NR3C2: variants seen among roughly 807,000 people sequenced by gnomAD.
NR3C2 encodes nuclear receptor subfamily 3 group C member 2.
In NR3C2, 15 loss-of-function variants were observed where a neutral mutation model predicts 86.4. The observed-to-expected ratio is 0.17, with a 90% CI of 0.12 to 0.27. The LOEUF (loss-of-function observed/expected upper bound fraction) is 0.27, where lower values mean the gene tolerates loss of function less well. Ranked by LOEUF, NR3C2 falls within the 10% of genes least tolerant of loss-of-function variation. The pLI is 1.00. For missense variants in NR3C2, 960 were observed against 1,195.6 expected (o/e 0.80, Z 2.91); for synonymous variants, 458 against 450.5 (o/e 1.02, Z -0.21).
chr4:148,233,469 T>A (rs1738569892), intron 3 of NR3C2, among the ~76,000 whole-genome samples: 1 of 150,714 alleles, frequency 6.6e-6, no homozygotes, highest in Non-Finnish European at 1.5e-5. Context: ...TAAATGATCC[T>A]CACACTTCAG....
At chr4:148,083,010 C>T (rs143286765) in intron 8 of NR3C2, among the ~76,000 whole-genome samples, 11 of 152,198 alleles carry the variant, frequency 7.2e-5, no homozygotes, top group African/African-American at 2.6e-4. Context: ...ACCACTGTAG[C>T]CAGACTGCCT....
chr4:148,406,144 C>T (rs28698266), intron 2 of NR3C2, among the ~76,000 whole-genome samples: 1 of 151,754 alleles, frequency 6.6e-6, no homozygotes, highest in East Asian at 1.9e-4. Flanking sequence ...CCAGTCTGGG[C>T]AAGAGAGGGA....
intron 6 of NR3C2, 55 bp downstream of exon 6, chr4:148,152,414 T>A: frequency 6.4e-7 from 1 of 1,565,226 alleles, no homozygotes; most frequent in East Asian, 2.2e-5. Flanking sequence ...CTGAAAGAAA[T>A]CATAACGCAT....
chr4:148,261,490 G>A (rs1177183107), intron 2 of NR3C2, among the ~76,000 whole-genome samples: 2 of 152,190 alleles, frequency 1.3e-5, no homozygotes, highest in African/African-American at 2.4e-5. Context: ...GCAGGGTAAC[G>A]GGGGCAGCAC....
intron 2 of NR3C2, among the ~76,000 whole-genome samples, chr4:148,358,635 TAAAAA>T (rs56746692): frequency 4.0e-5 from 6 of 150,704 alleles, no homozygotes; most frequent in Non-Finnish European, 5.9e-5. Flanking sequence ...AAATAAAAAA[TAAAAA>T]AAAAAATAAA....
intron 2 of NR3C2, among the ~76,000 whole-genome samples, chr4:148,315,845 A>G (rs1294839550): frequency 6.6e-6 from 1 of 152,204 alleles, no homozygotes; most frequent in Non-Finnish European, 1.5e-5. Context: ...GGTAAAATAC[A>G]ATTTCTACAA....
intron 2 of NR3C2, among the ~76,000 whole-genome samples, chr4:148,376,922 C>CT (rs1491389010): frequency 2.0e-5 from 3 of 152,020 alleles, no homozygotes; most frequent in Admixed American, 6.6e-5. Context: ...CAAAGTTATA[C>CT]TTTTTTTGAA....
chr4:148,257,322 T>G (rs1340019808), intron 3 of NR3C2, among the ~76,000 whole-genome samples: 1 of 152,210 alleles, frequency 6.6e-6, no homozygotes, highest in Non-Finnish European at 1.5e-5. Context: ...CTGTGCCTTC[T>G]TAGTGCTTAG....
At position 148,234,984 on chromosome 4, in the gene NR3C2, CTA is replaced by C. The variant is rs199585146; in HGVS notation, c.1897+24992_1897+24993del. Among the ~76,000 whole-genome samples, 141 of 152,148 alleles carry C rather than the reference CTA, an allele frequency of 9.3e-4. 2 individuals are homozygous for C. The East Asian group carries it at 0.026, about 28-fold the overall frequency. ...TATTTTCACAATGTTTTGCACTAAA[CTA>C]TACCTGCTGTTTTATTATGTCATGA... On this transcript the variant is annotated intron_variant, in intron 3 of 8. Coordinates refer to ENST00000358102, the MANE Select transcript of NR3C2 (RefSeq NM_000901.5).
chr4:148,320,897 A>T (rs1743543983), intron 2 of NR3C2, among the ~76,000 whole-genome samples: 2 of 147,984 alleles, frequency 1.4e-5, no homozygotes, highest in African/African-American at 2.5e-5. Flanking sequence ...CTCTGATTTT[A>T]GTTATTTCTT....
Position 148,435,242 on chromosome 4 carries a change from C to G in NR3C2, c.1619G>C (p.Arg540Thr). The G allele has an allele frequency of 2.5e-6, 4 of 1,614,200 alleles. No homozygotes were observed. The highest frequency in any genetic ancestry group is 1.6e-4 in the Middle Eastern group (1 of 6,062). ...ACTCAGGTGTTGGAAAGATTGGTCT[C>G]TAGCCGATCGTGATAAAGATATTGT... ...QGTISLSRSA[R>T]DQSFQHLSSF... The change falls in exon 2 of 9, where the codon AGA (arginine) becomes ACA (threonine). Residue 540 changes from arginine to threonine, a missense_variant. By Grantham distance (71) the Arg-to-Thr change is moderately conservative. Transcript: ENST00000358102.
chr4:148,132,935 A>G (rs1396525431), intron 6 of NR3C2, among the ~76,000 whole-genome samples: 4 of 152,246 alleles, frequency 2.6e-5, no homozygotes, highest in African/African-American at 9.6e-5. Context: ...GCAGTGGCTC[A>G]TGCCTGTAAT....
chr4:148,302,737 T>C (rs1742402195), intron 2 of NR3C2, among the ~76,000 whole-genome samples: 1 of 151,556 alleles, frequency 6.6e-6, no homozygotes, highest in South Asian at 2.1e-4. Flanking sequence ...TCCTAGCTAC[T>C]TGGGAGACTG....
chr4:148,082,488 G>C (rs927010969), intron 8 of NR3C2, among the ~76,000 whole-genome samples: 1 of 152,094 alleles, frequency 6.6e-6, no homozygotes, highest in African/African-American at 2.4e-5. Context: ...CCCTAGCCAA[G>C]GGAAGCCATG....
intron 8 of NR3C2, among the ~76,000 whole-genome samples, chr4:148,093,817 T>C (rs1023967102): frequency 6.6e-6 from 1 of 151,970 alleles, no homozygotes; most frequent in Non-Finnish European, 1.5e-5. Context: ...ACCAAAAACA[T>C]AGGCAATGAA....
chr4:148,204,789 C>T (rs912060729), intron 3 of NR3C2, among the ~76,000 whole-genome samples: 1 of 152,112 alleles, frequency 6.6e-6, no homozygotes, highest in African/African-American at 2.4e-5. Context: ...TGAATTTGGT[C>T]GCACCTATAA....
chr4:148,299,937 C>G (rs185222307), intron 2 of NR3C2, among the ~76,000 whole-genome samples: 2 of 152,226 alleles, frequency 1.3e-5, no homozygotes, highest in African/African-American at 4.8e-5. Context: ...TGTTTATATT[C>G]TCTCTAAAGT....
chr4:148,099,642 A>ACTT (rs1320436445), intron 8 of NR3C2, among the ~76,000 whole-genome samples: 1 of 152,218 alleles, frequency 6.6e-6, no homozygotes, highest in Non-Finnish European at 1.5e-5. Context: ...TAATGACAGG[A>ACTT]CTTAGAAAGA....
chr4:148,137,853 A>G (rs1733417538), intron 6 of NR3C2, among the ~76,000 whole-genome samples: 1 of 152,232 alleles, frequency 6.6e-6, no homozygotes, highest in African/African-American at 2.4e-5. Context: ...GCCATATTAA[A>G]GGAATTTGCA....
Sources: allele counts gnomAD v4.1 joint callset (sites outside exome capture counted in the v4.1 genomes callset), GRCh38; gene constraint gnomAD v4.1.1; transcripts MANE v1.5; gene names NCBI Gene and HGNC (gene_info 2026-07-23, HGNC 2026-07-21).